Variants in PLCZ1 observed in about 807,000 individuals in gnomAD.
PLCZ1 encodes 1-phosphatidylinositol 4,5-bisphosphate phosphodiesterase zeta-1.
A neutral mutation model predicts 76.8 loss-of-function variants in PLCZ1; 64 were observed. The ratio of observed to expected loss-of-function variants is 0.83; its 90% CI spans 0.68 to 1.03. The LOEUF (loss-of-function observed/expected upper bound fraction) is 1.03, where lower values mean the gene tolerates loss of function less well. Among genes scored for constraint, PLCZ1 ranks in the 50% least tolerant of loss-of-function variants. The probability of loss-of-function intolerance (pLI) is 0.00; values close to 1 mark genes in which losing one functional copy is unlikely to be tolerated. For synonymous variants in PLCZ1, 248 were observed against 230.8 expected, an observed-to-expected ratio of 1.07 and a Z score of -0.68; for missense variants, 751 against 713.7, an observed-to-expected ratio of 1.05 and a Z score of -0.60.
chr12:18,719,842 ATATAT>A (rs1319292416), intron 4 of PLCZ1, among the ~76,000 whole-genome samples: 1 of 152,032 alleles, frequency 6.6e-6, no homozygotes, highest in Non-Finnish European at 1.5e-5. Flanking sequence ...CAAGTAAATA[ATATAT>A]TATTTAATTA....
At chr12:18,646,521 G>A in the PLCZ1 span, among the ~76,000 whole-genome samples, 3 of 152,226 alleles carry the variant, frequency 2.0e-5, no homozygotes, top group Non-Finnish European at 2.9e-5. Context: ...CATTGATAAC[G>A]TAATGAAAGG....
rs751072875 is a variant in PLCZ1, at chr12:18,737,347, C to T, written c.11+14G>A. 4 of 1,611,770 alleles carry T rather than the reference C, an allele frequency of 2.5e-6. No individual in the cohort carries two copies. Among genetic ancestry groups the T allele is most frequent in the East Asian group, 4.5e-5 (2 of 44,862 alleles). ...AAAGAAGAAGAGGAGCAGAAAGAAGCTCTCAATGGATATCTCATTTCCATA... is the reference window on the plus strand; with the variant it reads ...AAAGAAGAAGAGGAGCAGAAAGAAGTTCTCAATGGATATCTCATTTCCATA... On this transcript the variant is annotated intron_variant, in intron 2 of 14. Coordinates refer to ENST00000266505, the MANE Select transcript of PLCZ1 (RefSeq NM_033123.4).
At chr12:18,647,504 AATG>A in the PLCZ1 span, among the ~76,000 whole-genome samples, 3 of 152,252 alleles carry the variant, frequency 2.0e-5, no homozygotes, top group East Asian at 3.9e-4. Flanking sequence ...AACACAGAAG[AATG>A]ATGTTCTCTT....
Position 18,683,277 on chromosome 12 carries a change from G to A in PLCZ1, c.1789C>T (p.Pro597Ser). 1 of 1,612,546 alleles carries A rather than the reference G, an allele frequency of 6.2e-7. No homozygotes were observed. The highest frequency in any genetic ancestry group is 8.5e-7 in the Non-Finnish European group (1 of 1,179,018). Residue 597 changes from proline to serine, a missense_variant, in exon 15 of 15, where the codon CCT (proline) becomes TCT (serine). Physicochemically the swap from Pro to Ser is moderately conservative, Grantham distance 74 (BLOSUM62 -1). Transcript: ENST00000266505. ...LFSRMGESLE[P>S]ASLFVYVWYV... Reference sequence around the variant, plus strand: ...CAAACATAAACAAACAGTGAAGCAGGCTCAAGGCTCTCACCCATTCTGGAA... The same window carrying A: ...CAAACATAAACAAACAGTGAAGCAGACTCAAGGCTCTCACCCATTCTGGAA...
the PLCZ1 span, among the ~76,000 whole-genome samples, chr12:18,677,938 T>C: frequency 6.6e-6 from 1 of 151,976 alleles, no homozygotes; most frequent in Non-Finnish European, 1.5e-5. Flanking sequence ...TGTGGTGTGT[T>C]TGTGTGTGTG....
At chr12:18,727,086 C>G (rs1958796612) in intron 3 of PLCZ1, among the ~76,000 whole-genome samples, 1 of 152,064 alleles carries the variant, frequency 6.6e-6, no homozygotes, top group Non-Finnish European at 1.5e-5. Context: ...TGGCTCATGC[C>G]TGCAATCCCC....
intron 5 of PLCZ1, chr12:18,713,702 A>T (rs1957610727): frequency 6.6e-6 from 1 of 152,208 alleles, no homozygotes; most frequent in Non-Finnish European, 1.5e-5. Flanking sequence ...TATTCGACTC[A>T]TAATTTCACT....
the PLCZ1 span, among the ~76,000 whole-genome samples, chr12:18,674,580 C>A: frequency 6.6e-6 from 1 of 152,132 alleles, no homozygotes; most frequent in Admixed American, 6.6e-5. Flanking sequence ...AGTCTGCCAA[C>A]CATTATTCTT....
chr12:18,659,529 A>T, the PLCZ1 span, among the ~76,000 whole-genome samples: 1 of 152,198 alleles, frequency 6.6e-6, no homozygotes, highest in East Asian at 1.9e-4. Context: ...CATTTAATGC[A>T]TAGACTTCCT....
At chr12:18,696,326 A>ATATATATATATATATATATATATAGCCAC (rs1955004519) in intron 10 of PLCZ1, 60 bp from the exon 11 acceptor site, 1 of 50,092 alleles carries the variant, frequency 2.0e-5, no homozygotes, top group Non-Finnish European at 5.6e-5. Context: ...AAGCCACTAT[A>ATATATATATATATATATATATATAGCCAC]TATATATATA....
chr12:18,717,853 G>A (rs1009279103), intron 5 of PLCZ1, among the ~76,000 whole-genome samples: 3 of 152,082 alleles, frequency 2.0e-5, no homozygotes, highest in Non-Finnish European at 4.4e-5. Context: ...TTATGATAAT[G>A]CAAAGAAAAT....
Position 18,693,617 on chromosome 12 carries a change from A to G in PLCZ1, c.1461+1293T>C, listed in dbSNP as rs542139687. 17 of 1,567,080 alleles carry G rather than the reference A, an allele frequency of 1.1e-5. No individual in the cohort carries two copies. In the African/African-American group the frequency reaches 1.8e-4, roughly 16 times the overall value. Reference sequence around the variant, plus strand: ...AGTTGCTGAAGAACGTGCACCGTCCATTGTGTTTATTGATGAAATTGACGC... The same window carrying G: ...AGTTGCTGAAGAACGTGCACCGTCCGTTGTGTTTATTGATGAAATTGACGC... On this transcript the variant is annotated intron_variant, in intron 12 of 14. Transcript: ENST00000266505.
chr12:18,656,238 G>A, the PLCZ1 span, among the ~76,000 whole-genome samples: 12 of 151,982 alleles, frequency 7.9e-5, no homozygotes, highest in African/African-American at 2.9e-4. Context: ...AGACCAACCT[G>A]GGCAACATAG....
At chr12:18,661,303 A>G in the PLCZ1 span, among the ~76,000 whole-genome samples, 1 of 152,108 alleles carries the variant, frequency 6.6e-6, no homozygotes, top group Non-Finnish European at 1.5e-5. Flanking sequence ...AAGAAGTTTA[A>G]CGAACTCCAA....
At chr12:18,726,694 A>G (rs1463832851) in intron 3 of PLCZ1, among the ~76,000 whole-genome samples, 1 of 152,214 alleles carries the variant, frequency 6.6e-6, no homozygotes, top group Admixed American at 6.5e-5. Context: ...AATGTTATTT[A>G]AAATAATGTG....
At chr12:18,716,253 G>T (rs1208775974) in intron 5 of PLCZ1, among the ~76,000 whole-genome samples, 2 of 151,658 alleles carry the variant, frequency 1.3e-5, no homozygotes, top group Non-Finnish European at 2.9e-5. Flanking sequence ...GGGGTGGGGG[G>T]AAAAAACCAC....
chr12:18,699,432 C>T (rs1955580771), intron 10 of PLCZ1, among the ~76,000 whole-genome samples: 1 of 152,138 alleles, frequency 6.6e-6, no homozygotes, highest in Non-Finnish European at 1.5e-5. Flanking sequence ...CAATCTTCTC[C>T]TGCGCACCTT....
At chr12:18,731,533 C>CTTTTTTTTTTTT (rs34568267) in intron 3 of PLCZ1, among the ~76,000 whole-genome samples, 1 of 94,352 alleles carries the variant, frequency 1.1e-5, no homozygotes, top group Non-Finnish European at 1.9e-5. Flanking sequence ...AATAAGCTGT[C>CTTTTTTTTTTTT]TTTTTTTTTT....
rs1953457285 is a variant in PLCZ1 at position 18,688,116 on chromosome 12, G to C, written c.1564C>G (p.Gln522Glu). The change falls in exon 13 of 15, where the codon CAG becomes GAG. Residue 522 changes from glutamine to glutamate, a missense_variant. Coordinates refer to ENST00000266505, the MANE Select transcript of PLCZ1 (RefSeq NM_033123.4). ...VFGVPNDQMK[Q>E]QTRVIKKNAF... The stretch of plus-strand genomic sequence containing the variant: ...TTTTTTTTAATTACACGAGTCTGCT[G>C]CTTCATTTGATCATTTGGAACACCA... 1 of 1,611,340 alleles carries C rather than the reference G, an allele frequency of 6.2e-7. No individual in the cohort carries two copies. The highest frequency in any genetic ancestry group is 1.3e-5 in the African/African-American group (1 of 74,864).
Sources: gnomAD v4.1 joint callset for allele counts (sites outside exome capture counted in the v4.1 genomes callset) on GRCh38, gnomAD v4.1.1 for gene constraint, MANE v1.5 for transcripts, NCBI Gene and HGNC (gene_info 2026-07-23, HGNC 2026-07-21) for gene names.